EBF1: variants seen among roughly 807,000 people sequenced by gnomAD.
EBF1 encodes the protein EBF transcription factor 1.
In EBF1, 10 loss-of-function variants were observed where a neutral mutation model predicts 68.4. The ratio of observed to expected loss-of-function variants is 0.15; its 90% CI spans 0.09 to 0.25. The LOEUF (loss-of-function observed/expected upper bound fraction) is 0.25, where lower values mean the gene tolerates loss of function less well. Ranked by LOEUF, EBF1 falls within the 10% of genes least tolerant of loss-of-function variation. The pLI is 1.00. For synonymous variants in EBF1, 298 were observed against 299.8 expected, an observed-to-expected ratio of 0.99 and a Z score of 0.06; for missense variants, 509 against 794.4, an observed-to-expected ratio of 0.64 and a Z score of 4.32.
intron 6 of EBF1, among the ~76,000 whole-genome samples, chr5:159,019,448 T>G (rs1391355995): frequency 6.6e-6 from 1 of 152,228 alleles, no homozygotes; most frequent in Admixed American, 6.5e-5. Flanking sequence ...TAAGTAATAA[T>G]TTATGAAAAC....
chr5:158,985,666 C>T (rs1246030893), intron 6 of EBF1: 1 of 152,146 alleles, frequency 6.6e-6, no homozygotes, highest in Non-Finnish European at 1.5e-5. Context: ...TCCACATATC[C>T]TTTTTGAATT....
chr5:158,997,078 C>T (rs1190512506), intron 6 of EBF1, among the ~76,000 whole-genome samples: 2 of 152,180 alleles, frequency 1.3e-5, no homozygotes, highest in African/African-American at 4.8e-5. Context: ...CCCTCCTCAT[C>T]CTCCACAAAA....
intron 6 of EBF1, among the ~76,000 whole-genome samples, chr5:159,032,958 T>C (rs1769226179): frequency 6.6e-6 from 1 of 152,042 alleles, no homozygotes; most frequent in Non-Finnish European, 1.5e-5. Context: ...TCAAGTATTC[T>C]ATTCTGTCTC....
chr5:159,073,506 T>C lies in EBF1; in HGVS notation c.486-42A>G. The C allele has an allele frequency of 1.9e-6, 3 of 1,608,928 alleles. No individual in the cohort carries two copies. In the South Asian group the frequency reaches 3.3e-5, roughly 18 times the overall value. On this transcript the variant is annotated intron_variant, in intron 5 of 15. Coordinates refer to ENST00000313708, the MANE Select transcript of EBF1 (RefSeq NM_024007.5). ...AAAGGATTTAGTACAACCATTACAA[T>C]GTAAAATCATCATTTAGGCAGACAG...
intron 10 of EBF1, among the ~76,000 whole-genome samples, chr5:158,748,223 C>T (rs142786207): frequency 2.4e-4 from 37 of 152,266 alleles, no homozygotes; most frequent in African/African-American, 7.7e-4. Context: ...AGTTTCTGTG[C>T]GGTGTGTGGT....
chr5:158,809,376 G>T (rs962909874), intron 8 of EBF1, among the ~76,000 whole-genome samples: 2 of 152,016 alleles, frequency 1.3e-5, no homozygotes, highest in Non-Finnish European at 2.9e-5. Flanking sequence ...CCCAAACTAC[G>T]CTTCAACTTT....
intron 6 of EBF1, among the ~76,000 whole-genome samples, chr5:158,990,115 T>C (rs1759999017): frequency 6.6e-6 from 1 of 152,088 alleles, no homozygotes; most frequent in African/African-American, 2.4e-5. Flanking sequence ...TGAAAATGAT[T>C]CTAGACATGG....
chr5:158,895,343 T>G (rs1223239482), intron 6 of EBF1, among the ~76,000 whole-genome samples: 1 of 152,182 alleles, frequency 6.6e-6, no homozygotes, highest in Non-Finnish European at 1.5e-5. Context: ...CCTGGCAACA[T>G]AGCGAGGCCC....
At chr5:159,017,472 G>C (rs12515980) in intron 6 of EBF1, among the ~76,000 whole-genome samples, 24,532 of 152,182 alleles carry the variant, frequency 0.16, 2,060 homozygotes, top group Admixed American at 0.19. Context: ...CTGGCTTCCA[G>C]CTTGCCATCT....
rs752643861 is a variant in EBF1, at chr5:159,021,001, C to T, written c.554+52395G>A. Reference sequence around the variant, plus strand: ...CACCTTCTGACCCTTGACCTCTTCCCGAGAAGACTCGCTCCGGGGTGTGTT... The same window carrying T: ...CACCTTCTGACCCTTGACCTCTTCCTGAGAAGACTCGCTCCGGGGTGTGTT... On this transcript the variant is annotated intron_variant, in intron 6 of 15. Coordinates refer to ENST00000313708, the MANE Select transcript of EBF1 (RefSeq NM_024007.5). 1.3e-5 allele frequency among the ~76,000 whole-genome samples: 2 copies of T among 152,212 alleles called. 1 individual carries two copies. The highest frequency in any genetic ancestry group is 1.3e-4 in the Admixed American group (2 of 15,290).
chr5:158,900,081 C>T (rs1488675422), intron 6 of EBF1, among the ~76,000 whole-genome samples: 2 of 152,156 alleles, frequency 1.3e-5, no homozygotes, highest in Non-Finnish European at 2.9e-5. Context: ...CCAGATGTGT[C>T]TCATGCTTGT....
Position 158,730,547 on chromosome 5 carries a change from AAG to A in EBF1, c.1125+520_1125+521del, listed in dbSNP as rs1444793018. On this transcript the variant is annotated intron_variant, in intron 11 of 15. Transcript: ENST00000313708. ...CCAACCAGGTAGAATGCCTTAGGAG[AAG>A]AGAGGTTGTCTTTGCCCAATCTCAA... 1.9e-4 allele frequency among the ~76,000 whole-genome samples: 29 copies of A among 152,232 alleles called. 1 individual carries two copies. Among genetic ancestry groups the A allele is most frequent in the African/African-American group, 6.7e-4 (28 of 41,532 alleles).
At chr5:158,856,549 A>G (rs976696799) in intron 6 of EBF1, among the ~76,000 whole-genome samples, 1 of 152,218 alleles carries the variant, frequency 6.6e-6, no homozygotes, top group Non-Finnish European at 1.5e-5. Flanking sequence ...GATTGCTCCA[A>G]AGTAGCCTAA....
intron 6 of EBF1, 38 bp downstream of exon 6, chr5:159,073,358 G>A: frequency 6.2e-7 from 1 of 1,602,228 alleles, no homozygotes; most frequent in South Asian, 1.1e-5. Flanking sequence ...TCATTATAAT[G>A]AGGAATAAGA....
chr5:158,746,128 G>A (rs1159472411), intron 10 of EBF1, among the ~76,000 whole-genome samples: 2 of 152,190 alleles, frequency 1.3e-5, no homozygotes, highest in South Asian at 2.1e-4. Context: ...TCTGAGAGCT[G>A]CAAATGGTTC....
At chr5:159,093,108 A>G (rs1382083329) in intron 4 of EBF1, among the ~76,000 whole-genome samples, 1 of 152,174 alleles carries the variant, frequency 6.6e-6, no homozygotes, top group Non-Finnish European at 1.5e-5. Context: ...ACACCTAGGG[A>G]AAGTTAAGCT....
At chr5:158,949,701 C>A (rs1329720586) in intron 6 of EBF1, among the ~76,000 whole-genome samples, 1 of 152,220 alleles carries the variant, frequency 6.6e-6, no homozygotes, top group Non-Finnish European at 1.5e-5. Context: ...TCAACAAATA[C>A]AGGCTTTCCC....
At chr5:158,937,772 G>T (rs530613019) in intron 6 of EBF1, among the ~76,000 whole-genome samples, 1 of 152,298 alleles carries the variant, frequency 6.6e-6, no homozygotes, top group Non-Finnish European at 1.5e-5. Flanking sequence ...GGCAGGGGGT[G>T]GGACAGGTGA....
rs77983028 is a variant in EBF1, at chr5:159,041,015, A to G, written c.554+32381T>C. Among the ~76,000 whole-genome samples, 1,492 of 152,342 alleles carry G rather than the reference A, an allele frequency of 9.8e-3. 16 individuals carry two copies. Among genetic ancestry groups the G allele is most frequent in the African/African-American group, 0.034 (1,410 of 41,576 alleles). On this transcript the variant is annotated intron_variant, in intron 6 of 15. Transcript: ENST00000313708. ...TGTTTAGAAACGGATTCTGTGCTAC[A>G]TATCTACAGAGGAACAGTCATCTTT...
Sources: gnomAD v4.1 joint callset for allele counts (sites outside exome capture counted in the v4.1 genomes callset) on GRCh38, gnomAD v4.1.1 for gene constraint, MANE v1.5 for transcripts, NCBI Gene and HGNC (gene_info 2026-07-23, HGNC 2026-07-21) for gene names.